The following TSFM variants were observed in gnomAD, a reference collection of about 807,000 sequenced individuals.
TSFM encodes the protein elongation factor Ts, mitochondrial.
TSFM carries 29 observed loss-of-function variants against 33.4 expected under a neutral mutation model. The observed-to-expected ratio is 0.87, with a 90% CI of 0.65 to 1.18. TSFM has a LOEUF of 1.18. TSFM is among the 50% of genes most tolerant of loss of function. The probability of loss-of-function intolerance (pLI) is 0.00; values close to 1 mark genes in which losing one functional copy is unlikely to be tolerated. For synonymous variants in TSFM, 178 were observed against 163.5 expected (o/e 1.09, Z -0.68); for missense variants, 394 against 395.6 (o/e 1.00, Z 0.04).
intron 5 of TSFM, among the ~76,000 whole-genome samples, 155 bp downstream of exon 5, chr12:57,793,228 G>A (rs544974400): frequency 6.6e-6 from 1 of 152,122 alleles, no homozygotes; most frequent in East Asian, 1.9e-4. Context: ...GGGAACATTA[G>A]GCATCTTTTT....
chr12:57,801,118 T>C, downstream of TSFM: 1 of 1,608,692 alleles, frequency 6.2e-7, no homozygotes, highest in South Asian at 1.1e-5. Flanking sequence ...TGTGGCTGGC[T>C]TCTCCCAAGA....
chr12:57,784,099 C>T (rs1191188663), intron 2 of TSFM: 1 of 702,696 alleles, frequency 1.4e-6, no homozygotes, highest in Non-Finnish European at 2.6e-6. Flanking sequence ...ATGGAATTGC[C>T]AGCTGCTCCT....
downstream of TSFM, chr12:57,802,233 A>G (rs1318943100): frequency 6.2e-7 from 1 of 1,614,182 alleles, no homozygotes; most frequent in East Asian, 2.2e-5. Context: ...CTTAATGATC[A>G]GGATTGGTGT....
intron 4 of TSFM, among the ~76,000 whole-genome samples, chr12:57,790,114 A>C (rs1472327726): frequency 7.9e-6 from 1 of 126,506 alleles, no homozygotes; most frequent in Non-Finnish European, 1.6e-5. Flanking sequence ...CCCAGGCTGG[A>C]GTGCAGTGGC....
At chr12:57,783,654 C>T (rs2014886) in intron 2 of TSFM, 186,081 of 571,300 alleles carry the variant, frequency 0.33, 35,496 homozygotes, top group East Asian at 0.67. Flanking sequence ...CGTGCAATGG[C>T]ACGATGTTGG....
chr12:57,784,335 A>T (rs1955559670), intron 2 of TSFM, among the ~76,000 whole-genome samples: 1 of 152,374 alleles, frequency 6.6e-6, no homozygotes, highest in Admixed American at 6.5e-5. Flanking sequence ...CTGCCTTAGG[A>T]CACTATGGTG....
intron 4 of TSFM, among the ~76,000 whole-genome samples, chr12:57,787,370 A>G (rs992086379): frequency 1.3e-5 from 2 of 152,154 alleles, no homozygotes; most frequent in Non-Finnish European, 2.9e-5. Flanking sequence ...CTTATATATT[A>G]CATTTTAATT....
At chr12:57,797,736 T>C (rs1955764621), downstream of TSFM, 1 of 731,334 alleles carries the variant, frequency 1.4e-6, no homozygotes, top group African/African-American at 1.8e-5. Context: ...TGAGAAAAAA[T>C]GGAGAACATG....
At chr12:57,783,862 C>G in intron 2 of TSFM, 1 of 671,132 alleles carries the variant, frequency 1.5e-6, no homozygotes, top group Non-Finnish European at 2.7e-6. Flanking sequence ...GTGATCCGCC[C>G]GCCTCGGCTT....
chr12:57,802,327 C>A (rs1478149720), downstream of TSFM: 5 of 1,612,804 alleles, frequency 3.1e-6, no homozygotes, highest in South Asian at 1.1e-5. Flanking sequence ...GCATTGGCCT[C>A]AGCCCCAATC....
At chr12:57,797,691 C>A, downstream of TSFM, 2 of 715,372 alleles carry the variant, frequency 2.8e-6, no homozygotes, top group Non-Finnish European at 3.7e-6. Flanking sequence ...ATATGGTTAA[C>A]ATTTTAGGTA....
rs777248708 is a variant in TSFM, at chr12:57,787,133, C to G, written c.454C>G (p.Leu152Val). The part of the protein sequence containing the change: ...ALGTMMHCQT[L>V]KDQPSAYSKG... ...TGGAACCATGATGCATTGTCAGACCCTAAAGGATCAACCCTCTGCATACAG... is the reference window on the plus strand; with the variant it reads ...TGGAACCATGATGCATTGTCAGACCGTAAAGGATCAACCCTCTGCATACAG... The change falls in exon 4 of 6, where the codon CTA (leucine) becomes GTA (valine). Residue 152 changes from leucine to valine, a missense_variant. Coordinates refer to ENST00000652027, the MANE Select transcript of TSFM (RefSeq NM_005726.6). 4 of 1,596,600 alleles carry G rather than the reference C, an allele frequency of 2.5e-6. No homozygotes were observed. The East Asian group carries it at 6.7e-5, about 27-fold the overall frequency.
downstream of TSFM, chr12:57,797,934 G>A (rs1406467456): frequency 6.2e-7 from 1 of 1,612,696 alleles, no homozygotes; most frequent in Non-Finnish European, 8.5e-7. Flanking sequence ...GCCAGGCAGA[G>A]CTGCAAATTG....
intron 2 of TSFM, 59 bp downstream of exon 2, chr12:57,783,342 C>T: frequency 1.9e-6 from 3 of 1,601,096 alleles, no homozygotes; most frequent in Non-Finnish European, 2.6e-6. Context: ...ACTCTTGGGG[C>T]GGTCACGCTG....
chr12:57,789,762 G>A (rs1045881990), intron 4 of TSFM, among the ~76,000 whole-genome samples: 1 of 152,160 alleles, frequency 6.6e-6, no homozygotes, highest in African/African-American at 2.4e-5. Flanking sequence ...ACATTGACTC[G>A]TGGGTTCTTA....
downstream of TSFM, chr12:57,802,668 G>A (rs1368942536): frequency 4.7e-6 from 3 of 640,984 alleles, no homozygotes; most frequent in South Asian, 5.3e-5. Context: ...CCTTCAGGAT[G>A]TAGCTCTTCT....
At chr12:57,802,375 T>C (rs978448871), downstream of TSFM, 11 of 1,583,970 alleles carry the variant, frequency 6.9e-6, no homozygotes, top group Non-Finnish European at 9.5e-6. Context: ...TTAATATATG[T>C]TACTGTGTTC....
downstream of TSFM, chr12:57,797,843 C>A: frequency 6.8e-7 from 1 of 1,473,766 alleles, no homozygotes; most frequent in South Asian, 1.3e-5. Flanking sequence ...ACTATCTGCT[C>A]TTTTCTGTGG....
intron 4 of TSFM, among the ~76,000 whole-genome samples, chr12:57,790,550 C>A (rs1955649124): frequency 6.6e-6 from 1 of 152,154 alleles, no homozygotes; most frequent in African/African-American, 2.4e-5. Flanking sequence ...TTCAGAATTG[C>A]TACCCCTGAC....
Sources: allele counts gnomAD v4.1 joint callset (sites outside exome capture counted in the v4.1 genomes callset), GRCh38; gene constraint gnomAD v4.1.1; transcripts MANE v1.5; gene names NCBI Gene and HGNC (gene_info 2026-07-23, HGNC 2026-07-21).